The following AP2A2 variants were observed in gnomAD, a reference collection of about 807,000 sequenced individuals.
AP2A2 encodes the protein adaptor related protein complex 2 subunit alpha 2, also known as AP-2 complex subunit alpha-2.
A neutral mutation model predicts 104.2 loss-of-function variants in AP2A2; 32 were observed. The observed-to-expected ratio is 0.31, with a 90% CI of 0.23 to 0.41. The LOEUF is 0.41. Among genes scored for constraint, AP2A2 ranks in the 10% least tolerant of loss-of-function variants. AP2A2 has a pLI of 1.00. For missense variants in AP2A2, 912 were observed against 1,261.0 expected (o/e 0.72, Z 4.19); for synonymous variants, 539 against 533.3 (o/e 1.01, Z -0.15).
Position 1,010,640 on chromosome 11 carries a change from G to T in AP2A2, c.*15G>T. ...CGCAGTTTTAGTCCTGAGGATGGAA[G>T]ACCAGGCTCGTGTGTCTTGTGTTGT... On this transcript the variant is annotated 3_prime_UTR_variant, in exon 22 of 22. Transcript: ENST00000448903. 6.4e-7 allele frequency: 1 copy of T among 1,573,954 alleles called. No individual in the cohort carries two copies.
intron 1 of AP2A2, among the ~76,000 whole-genome samples, chr11:956,360 G>A (rs576117841): frequency 2.7e-4 from 41 of 152,020 alleles, no homozygotes; most frequent in African/African-American, 9.4e-4. Context: ...ACGGGGTTTC[G>A]CCACGTTGGC....
At position 1,000,477 on chromosome 11, in the gene AP2A2, C is replaced by T. The variant is rs1564820125; in HGVS notation, c.2002C>T (p.Pro668Ser). The change falls in exon 15 of 22, where the codon CCC (proline) becomes TCC (serine). Residue 668 changes from proline to serine, a missense_variant. Physicochemically the swap from Pro to Ser is moderately conservative, Grantham distance 74. Coordinates refer to ENST00000448903, the MANE Select transcript of AP2A2 (RefSeq NM_012305.4). The part of the protein sequence containing the change: ...SADLLGLGAA[P>S]PAPAGPPPSS... ...AGACCTGCTGGGTCTCGGGGCTGCC[C>T]CCCCTGCCCCCGCGGGCCCCCCACC... is the stretch of plus-strand genomic sequence containing the variant. 3 of 1,540,362 alleles carry T rather than the reference C, an allele frequency of 1.9e-6. No individual in the cohort carries two copies. The highest frequency in any genetic ancestry group is 2.4e-5 in the East Asian group (1 of 41,040).
In AP2A2 at chr11:993,451, C is replaced by T. The variant is rs1001411767; in HGVS notation, c.1550+70C>T. Reference sequence around the variant, plus strand: ...CCTCTCGGTGGTCGGTGGCAAGAGGCGAGGCACCAGCTGGCCCTGCCGTGA... The same window carrying T: ...CCTCTCGGTGGTCGGTGGCAAGAGGTGAGGCACCAGCTGGCCCTGCCGTGA... On this transcript the variant is annotated intron_variant, in intron 12 of 21. Transcript: ENST00000448903. The surrounding 1 kb of genome is among the most constrained non-coding windows in gnomAD (Gnocchi z 8.2). The T allele has an allele frequency of 2.3e-5, 26 of 1,114,556 alleles. No homozygotes were observed. The highest frequency in any genetic ancestry group is 6.5e-5 in the African/African-American group (3 of 46,368). 69.0% of individuals were successfully genotyped at this position (1,114,556 alleles called of 1,614,324 possible). A position where few individuals can be genotyped will look rare whatever the true frequency, so the allele number is the denominator to read the frequency against.
intron 2 of AP2A2, among the ~76,000 whole-genome samples, chr11:961,118 C>T (rs970662681): frequency 6.6e-6 from 1 of 151,302 alleles, no homozygotes; most frequent in South Asian, 2.1e-4. Context: ...GTCTGACAGT[C>T]ACCACCACCA....
intron 1 of AP2A2, among the ~76,000 whole-genome samples, chr11:935,059 A>T (rs1244970319): frequency 1.5e-4 from 20 of 134,842 alleles, no homozygotes; most frequent in Admixed American, 3.8e-4. Context: ...GGGTTTCACC[A>T]TTTTTTTTTT....
At chr11:943,669 G>T (rs1158264263) in intron 1 of AP2A2, among the ~76,000 whole-genome samples, 1 of 152,090 alleles carries the variant, frequency 6.6e-6, no homozygotes, top group Non-Finnish European at 1.5e-5. Flanking sequence ...TGGCAGCGGA[G>T]ATGGCGAGAA....
Position 972,278 on chromosome 11 carries a change from G to A in AP2A2, c.473+23G>A, listed in dbSNP as rs778559415. 7.1e-6 allele frequency: 11 copies of A among 1,548,472 alleles called. No homozygotes were observed. In the South Asian group the frequency reaches 9.5e-5, roughly 13 times the overall value. On this transcript the variant is annotated intron_variant, in intron 4 of 21. Coordinates refer to ENST00000448903, the MANE Select transcript of AP2A2 (RefSeq NM_012305.4). Reference sequence around the variant, plus strand: ...CGGGTATGTGCCGGGCTCGTGCCGGGCTCCTGCTGAAGATGTGCTGCTTTC... The same window carrying A: ...CGGGTATGTGCCGGGCTCGTGCCGGACTCCTGCTGAAGATGTGCTGCTTTC...
chr11:972,275 C>T lies in AP2A2; in HGVS notation c.473+20C>T, dbSNP rs545499861. The stretch of plus-strand genomic sequence containing the variant: ...AGCCGGGTATGTGCCGGGCTCGTGC[C>T]GGGCTCCTGCTGAAGATGTGCTGCT... On this transcript the variant is annotated intron_variant, in intron 4 of 21. Coordinates refer to ENST00000448903, the MANE Select transcript of AP2A2 (RefSeq NM_012305.4). The T allele has an allele frequency of 1.1e-5, 17 of 1,551,146 alleles. No individual in the cohort carries two copies. The highest frequency in any genetic ancestry group is 1.7e-4 in the Middle Eastern group (1 of 5,886).
At chr11:975,961 G>A (rs944774485) in intron 4 of AP2A2, among the ~76,000 whole-genome samples, 4 of 152,188 alleles carry the variant, frequency 2.6e-5, no homozygotes, top group African/African-American at 9.7e-5. Context: ...TCTCTGAGGA[G>A]TGTGGCATGC....
intron 6 of AP2A2, among the ~76,000 whole-genome samples, chr11:981,650 G>GA (rs1228763147): frequency 6.6e-6 from 1 of 152,258 alleles, no homozygotes; most frequent in Non-Finnish European, 1.5e-5. Flanking sequence ...GATGCAGATG[G>GA]ACCTGCAGCA....
intron 1 of AP2A2, among the ~76,000 whole-genome samples, chr11:944,727 C>T (rs116069326): frequency 0.028 from 4,335 of 152,124 alleles, 213 homozygotes; most frequent in African/African-American, 0.097. Flanking sequence ...AGGCAGTGGC[C>T]ACGTAGAAGT....
intron 4 of AP2A2, among the ~76,000 whole-genome samples, chr11:975,628 G>C (rs960856061): frequency 4.0e-5 from 6 of 151,740 alleles, no homozygotes; most frequent in Admixed American, 1.3e-4. Context: ...CGACGTCGGA[G>C]AGTAGCGGTG....
At chr11:933,829 A>G (rs1372466216) in intron 1 of AP2A2, among the ~76,000 whole-genome samples, 3 of 152,114 alleles carry the variant, frequency 2.0e-5, no homozygotes, top group Non-Finnish European at 2.9e-5. Context: ...TTCCTGAAAC[A>G]TTGTTGGCAG....
At chr11:1,005,070 A>G (rs941204723) in intron 16 of AP2A2, among the ~76,000 whole-genome samples, 1 of 152,246 alleles carries the variant, frequency 6.6e-6, no homozygotes, top group East Asian at 1.9e-4. Context: ...AATCACCGAA[A>G]GTTAGAAACA....
At chr11:988,201 G>C (rs1020131604) in intron 9 of AP2A2, among the ~76,000 whole-genome samples, 13 of 152,228 alleles carry the variant, frequency 8.5e-5, no homozygotes, top group African/African-American at 1.2e-4. Context: ...TGGGGTCTTT[G>C]GCTGCATGGA....
At position 1,000,435 on chromosome 11, in the gene AP2A2, A is replaced by G; in HGVS notation, c.1960A>G (p.Thr654Ala). 1.3e-6 allele frequency: 2 copies of G among 1,544,056 alleles called. No homozygotes were observed. The highest frequency in any genetic ancestry group is 8.7e-7 in the Non-Finnish European group (1 of 1,147,552). The stretch of plus-strand genomic sequence containing the variant: ...GCTCTCCTTCCTTCTCTTCCAGTCT[A>G]CGCCTTCTCCGTCGGCAGACCTGCT... ...PAPASTSAVSTPSPSADLLGL... is the reference protein window; with the variant it reads ...PAPASTSAVSAPSPSADLLGL... The change falls in exon 15 of 22, where the codon ACG becomes GCG. Residue 654 changes from threonine to alanine, a missense_variant. By Grantham distance (58) the Thr-to-Ala change is moderately conservative. Around this residue, in one of 7 missense-constraint regions of AP2A2, gnomAD observed 105 missense variants for 90.9 expected, o/e 1.16. Transcript: ENST00000448903.
intron 15 of AP2A2, among the ~76,000 whole-genome samples, chr11:1,002,995 C>T (rs115945820): frequency 1.1e-3 from 167 of 152,350 alleles, no homozygotes; most frequent in African/African-American, 3.7e-3. Context: ...GCCACTGCCC[C>T]GCCTCCCTCT....
chr11:981,394 T>A (rs1206467640), intron 6 of AP2A2, 95 bp downstream of exon 6: 1 of 1,150,724 alleles, frequency 8.7e-7, no homozygotes, highest in Non-Finnish European at 1.3e-6. Flanking sequence ...ATTTGATCAG[T>A]TTATAAATTC....
chr11:988,368 G>A (rs1207506440), intron 9 of AP2A2, among the ~76,000 whole-genome samples, 184 bp from the exon 10 acceptor site: 4 of 152,212 alleles, frequency 2.6e-5, no homozygotes, highest in African/African-American at 4.8e-5. Context: ...GCCAGCAGGC[G>A]GAACTCTATT....
Sources: gnomAD v4.1 joint callset for allele counts (sites outside exome capture counted in the v4.1 genomes callset) on GRCh38, gnomAD v4.1.1 for gene constraint, gnomAD v4.1.1 regional missense constraint, Gnocchi (gnomAD v3.1) non-coding constraint, MANE v1.5 for transcripts, NCBI Gene and HGNC (gene_info 2026-07-23, HGNC 2026-07-21) for gene names.